The following MEF2C variants were observed in gnomAD, a reference collection of about 807,000 sequenced individuals.
The protein encoded by MEF2C is myocyte-specific enhancer factor 2C.
A neutral mutation model predicts 50.5 loss-of-function variants in MEF2C; 6 were observed. The observed-to-expected ratio is 0.12, with a 90% CI of 0.07 to 0.23. The LOEUF is 0.23. Among genes scored for constraint, MEF2C ranks in the 10% least tolerant of loss-of-function variants. The pLI is 1.00. For synonymous variants in MEF2C, 183 were observed against 228.0 expected (o/e 0.80, Z 1.78); for missense variants, 276 against 605.0 (o/e 0.46, Z 5.70).
At chr5:88,771,032 C>T (rs993946211) in intron 3 of MEF2C, among the ~76,000 whole-genome samples, 7 of 152,236 alleles carry the variant, frequency 4.6e-5, no homozygotes, top group Non-Finnish European at 8.8e-5. Context: ...AAGGCATGTC[C>T]TACATGGCGG....
At chr5:88,872,923 G>A (rs186082764) in intron 1 of MEF2C, among the ~76,000 whole-genome samples, 1 of 151,988 alleles carries the variant, frequency 6.6e-6, no homozygotes, top group African/African-American at 2.4e-5. Flanking sequence ...ATGATATTAA[G>A]TGTGGAAATG....
chr5:88,767,631 T>C (rs531243554), intron 3 of MEF2C, among the ~76,000 whole-genome samples: 3 of 152,310 alleles, frequency 2.0e-5, no homozygotes, highest in African/African-American at 7.2e-5. Context: ...CAACTTCTAC[T>C]GGGGAAGGGG....
chr5:88,768,059 C>T (rs1430718803), intron 3 of MEF2C, among the ~76,000 whole-genome samples: 1 of 152,206 alleles, frequency 6.6e-6, no homozygotes, highest in Non-Finnish European at 1.5e-5. Flanking sequence ...GAGCAGCTGA[C>T]ACATTGTCTC....
At chr5:88,829,516 T>C (rs1005660831) in intron 1 of MEF2C, among the ~76,000 whole-genome samples, 6 of 152,088 alleles carry the variant, frequency 3.9e-5, no homozygotes, top group African/African-American at 1.4e-4. Context: ...CTAATGACTA[T>C]TCGTTGACTG....
At chr5:88,767,620 T>C (rs543745280) in intron 3 of MEF2C, among the ~76,000 whole-genome samples, 1 of 152,282 alleles carries the variant, frequency 6.6e-6, no homozygotes, top group African/African-American at 2.4e-5. Flanking sequence ...TAGCCAGATA[T>C]CAACTTCTAC....
chr5:88,800,280 A>T (rs1455618896), intron 3 of MEF2C, among the ~76,000 whole-genome samples: 1 of 152,156 alleles, frequency 6.6e-6, no homozygotes, highest in Non-Finnish European at 1.5e-5. Flanking sequence ...AAAACACATG[A>T]CCTGGCTGAA....
intron 6 of MEF2C, chr5:88,748,293 T>C (rs886565915): frequency 1.5e-5 from 9 of 604,718 alleles, no homozygotes; most frequent in Non-Finnish European, 1.9e-5. Flanking sequence ...CCTTGTGTCA[T>C]TCATGCCTGC....
intron 1 of MEF2C, chr5:88,903,893 A>T (rs888041239): frequency 5.3e-5 from 8 of 151,700 alleles, no homozygotes; most frequent in Admixed American, 2.6e-4. Context: ...ATTAAAAAAT[A>T]TATTTTGGCA....
intron 1 of MEF2C, among the ~76,000 whole-genome samples, chr5:88,826,178 T>G (rs1223861798): frequency 6.6e-6 from 1 of 151,948 alleles, no homozygotes; most frequent in Non-Finnish European, 1.5e-5. Context: ...AAAAAAAAAT[T>G]TCTTAAAACA....
chr5:88,789,550 A>G (rs185152271), intron 3 of MEF2C, among the ~76,000 whole-genome samples: 2 of 152,262 alleles, frequency 1.3e-5, no homozygotes, highest in East Asian at 3.9e-4. Flanking sequence ...CTTACCCTAG[A>G]ACAGTAGCTC....
rs915762866 is a variant in MEF2C, at chr5:88,797,853, C to A, written c.258+6745G>T. 2.0e-5 allele frequency among the ~76,000 whole-genome samples: 3 copies of A among 152,166 alleles called. No individual in the cohort carries two copies. In the South Asian group the frequency reaches 6.2e-4, roughly 32 times the overall value. ...AAGGCAGGCCTAGTGGTGACAAAAT[C>A]TCTCAGTATTCGCTTGTCTGTAAAG... is the stretch of plus-strand genomic sequence containing the variant. On this transcript the variant is annotated intron_variant, in intron 3 of 10. Coordinates refer to ENST00000504921, the MANE Select transcript of MEF2C (RefSeq NM_002397.5).
intron 4 of MEF2C, among the ~76,000 whole-genome samples, chr5:88,759,348 G>A (rs1424715208): frequency 6.6e-6 from 1 of 152,178 alleles, no homozygotes; most frequent in East Asian, 1.9e-4. Context: ...CGGGAGTGGT[G>A]GCACATGCTT....
chr5:88,879,891 T>C (rs529998992), intron 1 of MEF2C, among the ~76,000 whole-genome samples: 2 of 152,254 alleles, frequency 1.3e-5, no homozygotes, highest in Admixed American at 6.5e-5. Context: ...CTTTTATCTT[T>C]GACCTATCAA....
At chr5:88,774,526 G>A (rs6891105) in intron 3 of MEF2C, among the ~76,000 whole-genome samples, 6,150 of 152,038 alleles carry the variant, frequency 0.04, 140 homozygotes, top group African/African-American at 0.043. Context: ...GTTTCACCGT[G>A]TTAGCCAGCA....
intron 3 of MEF2C, among the ~76,000 whole-genome samples, chr5:88,778,628 T>C (rs1409764455): frequency 1.3e-5 from 2 of 152,164 alleles, no homozygotes; most frequent in Non-Finnish European, 2.9e-5. Context: ...ATCATGGGTA[T>C]ATAATCTCTT....
chr5:88,786,205 G>A (rs1211818063), intron 3 of MEF2C, among the ~76,000 whole-genome samples: 1 of 152,146 alleles, frequency 6.6e-6, no homozygotes, highest in Non-Finnish European at 1.5e-5. Flanking sequence ...AGGCATTTCA[G>A]CTGCTTTCAA....
intron 1 of MEF2C, among the ~76,000 whole-genome samples, chr5:88,874,894 G>A (rs561838133): frequency 4.6e-5 from 7 of 152,040 alleles, no homozygotes; most frequent in Admixed American, 4.6e-4. Flanking sequence ...ACTTTCTCCT[G>A]AAGGCTCCCA....
At chr5:88,738,499 G>A (rs554356331) in intron 6 of MEF2C, 9 of 853,308 alleles carry the variant, frequency 1.1e-5, no homozygotes, top group Non-Finnish European at 1.1e-5. Context: ...GAAGAAAAGA[G>A]AGGTCCAGGA....
chr5:88,787,020 TCTA>T (rs1242603744), intron 3 of MEF2C, among the ~76,000 whole-genome samples: 1 of 152,202 alleles, frequency 6.6e-6, no homozygotes, highest in Non-Finnish European at 1.5e-5. Flanking sequence ...TCCATCAATA[TCTA>T]CTGAATGAGA....
Sources: gnomAD v4.1 joint callset for allele counts (sites outside exome capture counted in the v4.1 genomes callset) on GRCh38, gnomAD v4.1.1 for gene constraint, MANE v1.5 for transcripts, NCBI Gene and HGNC (gene_info 2026-07-23, HGNC 2026-07-21) for gene names.